The following MAST2 variants were observed in gnomAD, a reference collection of about 807,000 sequenced individuals.
MAST2 encodes microtubule associated serine/threonine kinase 2, also known as microtubule-associated serine/threonine-protein kinase 2.
MAST2 carries 70 observed loss-of-function variants against 147.4 expected under a neutral mutation model. The observed-to-expected ratio is 0.47, with a 90% CI of 0.39 to 0.58. MAST2 has a LOEUF of 0.58. MAST2 is among the 20% of genes least tolerant of loss of function. The pLI, the probability that MAST2 is intolerant of heterozygous loss-of-function variation, is 0.00. For synonymous variants in MAST2, 869 were observed against 896.8 expected, an observed-to-expected ratio of 0.97 and a Z score of 0.55; for missense variants, 2,080 against 2,302.3, an observed-to-expected ratio of 0.90 and a Z score of 1.98.
intron 3 of MAST2, among the ~76,000 whole-genome samples, chr1:45,871,523 T>C (rs181076529): frequency 6.6e-6 from 1 of 152,338 alleles, no homozygotes; most frequent in African/African-American, 2.4e-5. Context: ...CACTTTGTAA[T>C]GAATAATCTG....
At chr1:45,852,546 T>TA (rs35138290) in intron 3 of MAST2, among the ~76,000 whole-genome samples, 1 of 149,778 alleles carries the variant, frequency 6.7e-6, no homozygotes, top group Non-Finnish European at 1.5e-5. Flanking sequence ...TTTTTTTTTT[T>TA]AATTTGTAGA....
intron 4 of MAST2, chr1:45,913,963 A>T (rs1652074336): frequency 1.0e-6 from 1 of 967,030 alleles, no homozygotes; most frequent in Non-Finnish European, 1.3e-6. Context: ...GTTCATTTGG[A>T]TGAAGACTGT....
At chr1:45,965,318 G>A (rs947203487) in intron 5 of MAST2, among the ~76,000 whole-genome samples, 2 of 152,162 alleles carry the variant, frequency 1.3e-5, no homozygotes, top group Non-Finnish European at 2.9e-5. Context: ...TGACAGTGGG[G>A]TGTTAAAGTC....
intron 5 of MAST2, among the ~76,000 whole-genome samples, chr1:45,962,513 G>C (rs1660574032): frequency 6.6e-6 from 1 of 152,332 alleles, no homozygotes; most frequent in South Asian, 2.1e-4. Context: ...GCATTTCTCT[G>C]ATGGCCAGTG....
At chr1:45,829,821 G>A (rs532042321) in intron 3 of MAST2, among the ~76,000 whole-genome samples, 1 of 151,668 alleles carries the variant, frequency 6.6e-6, no homozygotes, top group Admixed American at 6.6e-5. Flanking sequence ...CAAGTAGCAG[G>A]GACTACAGGT....
Position 46,028,774 on chromosome 1 carries a change from G to A in MAST2, c.2059G>A (p.Gly687Arg), listed in dbSNP as rs1646517519. Residue 687 changes from glycine (G) to arginine (R), a missense_variant, in exon 18 of 29, where the codon GGG (glycine) becomes AGG (arginine). Transcript: ENST00000361297. Reference protein sequence around the residue: ...AREFLDKQVCGTPEYIAPEVI... With the variant: ...AREFLDKQVCRTPEYIAPEVI... Reference sequence around the variant, plus strand: ...CTGGCTTTTCTGTGCCCAGGTATGCGGGACCCCAGAATACATTGCGCCTGA... The same window carrying A: ...CTGGCTTTTCTGTGCCCAGGTATGCAGGACCCCAGAATACATTGCGCCTGA... 24 of 1,614,060 alleles carry A rather than the reference G, an allele frequency of 1.5e-5. No individual in the cohort carries two copies. The highest frequency in any genetic ancestry group is 1.8e-5 in the Non-Finnish European group (21 of 1,179,994).
At chr1:45,927,466 C>G (rs566611649) in intron 4 of MAST2, among the ~76,000 whole-genome samples, 1 of 152,116 alleles carries the variant, frequency 6.6e-6, no homozygotes, top group Non-Finnish European at 1.5e-5. Flanking sequence ...CCTCCAGGCG[C>G]GTATTCTCTT....
intron 3 of MAST2, among the ~76,000 whole-genome samples, chr1:45,829,858 G>A (rs1276509369): frequency 6.6e-6 from 1 of 151,196 alleles, no homozygotes; most frequent in Non-Finnish European, 1.5e-5. Flanking sequence ...GGCTAAGAAT[G>A]AAATTTTTTT....
chr1:45,882,372 G>A lies in MAST2; in HGVS notation c.477G>A (p.Leu159=). The change falls in exon 4 of 29, where the codon TTG becomes TTA. Residue 159 remains leucine, a synonymous_variant. Coordinates refer to ENST00000361297, the MANE Select transcript of MAST2 (RefSeq NM_015112.3). Reference sequence around the variant, plus strand: ...TATGTTTTGTTTTTCAGAAGGAGTTGAGCCTTCCAAGAAGAGGCAGCTTGT... The same window carrying A: ...TATGTTTTGTTTTTCAGAAGGAGTTAAGCCTTCCAAGAAGAGGCAGCTTGT... ...APSLTAGLKE[L]SLPRRGSFCR... 6.2e-7 allele frequency: 1 copy of A among 1,612,802 alleles called. No homozygotes were observed. Among genetic ancestry groups the A allele is most frequent in the East Asian group, 2.2e-5 (1 of 44,842 alleles).
At chr1:45,889,780 T>A (rs1454057281) in intron 4 of MAST2, among the ~76,000 whole-genome samples, 1 of 151,850 alleles carries the variant, frequency 6.6e-6, no homozygotes, top group Non-Finnish European at 1.5e-5. Context: ...TAATTTTTTT[T>A]TTTTATTTTT....
intron 5 of MAST2, among the ~76,000 whole-genome samples, chr1:45,983,989 T>C (rs902449690): frequency 6.6e-6 from 1 of 152,250 alleles, no homozygotes; most frequent in African/African-American, 2.4e-5. Context: ...ACCATCTATA[T>C]GTGATTTTGG....
rs761534538 is a variant in MAST2 at position 46,028,860 on chromosome 1, G to C, written c.2145G>C (p.Leu715=). The C allele has an allele frequency of 6.2e-7, 1 of 1,613,210 alleles. No individual in the cohort carries two copies. The highest frequency in any genetic ancestry group is 1.1e-5 in the South Asian group (1 of 90,890). ...PVDWWAMGII[L]YEFLVGCVPF... is the part of the protein sequence containing the mutation. ...ACTGGTGGGCCATGGGCATTATCCT[G>C]TATGAGTTCCTGGTGGGCTGCGTCC... Residue 715 remains leucine, a synonymous_variant, in exon 18 of 29, where the codon CTG becomes CTC. Transcript: ENST00000361297.
chr1:45,996,358 A>G (rs1186868829), intron 5 of MAST2, among the ~76,000 whole-genome samples: 1 of 152,098 alleles, frequency 6.6e-6, no homozygotes, highest in Non-Finnish European at 1.5e-5. Context: ...CTATCAAAAA[A>G]GAACAGAATT....
At chr1:45,825,278 G>C (rs1221133100) in intron 2 of MAST2, among the ~76,000 whole-genome samples, 1 of 152,194 alleles carries the variant, frequency 6.6e-6, no homozygotes, top group Admixed American at 6.5e-5. Flanking sequence ...GCCTGCCTCA[G>C]CCTCCCATAG....
At chr1:45,904,210 T>G (rs1419598576) in intron 4 of MAST2, among the ~76,000 whole-genome samples, 2 of 151,244 alleles carry the variant, frequency 1.3e-5, no homozygotes, top group African/African-American at 4.9e-5. Context: ...CTTACTCTTG[T>G]CCCCCAGGCT....
At chr1:45,987,777 A>ATTT in intron 5 of MAST2, among the ~76,000 whole-genome samples, 65 of 21,796 alleles carry the variant, frequency 3.0e-3, no homozygotes, top group African/African-American at 7.4e-3. Flanking sequence ...TTTTTTTTTG[A>ATTT]TTTTTTTTTT....
intron 26 of MAST2, 57 bp from the exon 27 acceptor site, chr1:46,033,745 G>A: frequency 6.3e-7 from 1 of 1,593,188 alleles, no homozygotes; most frequent in Admixed American, 1.7e-5. Flanking sequence ...GATTGGGGGA[G>A]GGGAGGGGCA....
chr1:45,989,173 G>A (rs1240863616), intron 5 of MAST2, among the ~76,000 whole-genome samples: 2 of 151,928 alleles, frequency 1.3e-5, no homozygotes, highest in Non-Finnish European at 2.9e-5. Flanking sequence ...GATGTCTCTG[G>A]CTCCAATTCA....
chr1:46,010,193 C>G (rs887606104), intron 9 of MAST2, among the ~76,000 whole-genome samples: 4 of 152,168 alleles, frequency 2.6e-5, no homozygotes, highest in African/African-American at 7.2e-5. Context: ...TAACAAACTT[C>G]CCGGTTTAGA....
Sources: gnomAD v4.1 joint callset for allele counts (sites outside exome capture counted in the v4.1 genomes callset) on GRCh38, gnomAD v4.1.1 for gene constraint, MANE v1.5 for transcripts, NCBI Gene and HGNC (gene_info 2026-07-23, HGNC 2026-07-21) for gene names.